Variants in SRA1 observed in about 807,000 individuals in gnomAD.
SRA1 encodes steroid receptor RNA activator 1.
SRA1 carries 25 observed loss-of-function variants against 24.3 expected under a neutral mutation model. That is an observed-to-expected ratio of 1.03 (90% CI 0.75 to 1.43). The LOEUF (loss-of-function observed/expected upper bound fraction) is 1.43. Ranked by LOEUF, SRA1 falls within the 40% of genes most tolerant of loss-of-function variation. The pLI, the probability that SRA1 is intolerant of heterozygous loss-of-function variation, is 0.00. For synonymous variants in SRA1, 104 were observed against 109.5 expected (o/e 0.95, Z 0.31); for missense variants, 303 against 286.6 (o/e 1.06, Z -0.41).
Position 140,550,663 on chromosome 5 carries a change from T to C in SRA1, c.*37A>G. On this transcript the variant is annotated 3_prime_UTR_variant, in exon 5 of 5. Transcript: ENST00000336283. Reference sequence around the variant, plus strand: ...CAAGTGACAGAAGGTCTCCAAGGCATAGGAGATGGTGTCCGGTGAGTCTGG... The same window carrying C: ...CAAGTGACAGAAGGTCTCCAAGGCACAGGAGATGGTGTCCGGTGAGTCTGG... The C allele has an allele frequency of 6.3e-7, 1 of 1,598,456 alleles. No individual in the cohort carries two copies. The highest frequency in any genetic ancestry group is 8.6e-7 in the Non-Finnish European group (1 of 1,165,870).
chr5:140,557,122 C>G, intron 2 of SRA1, 25 bp downstream of exon 2: 20 of 1,343,132 alleles, frequency 1.5e-5, no homozygotes, highest in Non-Finnish European at 2.0e-5. Flanking sequence ...CTCCGTCTGT[C>G]TCCGAGCACA....
intron 2 of SRA1, among the ~76,000 whole-genome samples, chr5:140,553,790 G>A (rs1490611184): frequency 6.6e-6 from 1 of 152,198 alleles, no homozygotes; most frequent in African/African-American, 2.4e-5. Context: ...ATGGACTAGG[G>A]TAAAAGAGTA....
chr5:140,557,165 G>A lies in SRA1; in HGVS notation c.133C>T (p.Gln45Ter). Residue 45 changes from glutamine to a stop codon, truncating the protein, a stop_gained, in exon 2 of 5, where the codon CAG becomes TAG. Coordinates refer to ENST00000336283, the MANE Select transcript of SRA1 (RefSeq NM_001035235.4). LOFTEE classifies it high-confidence loss of function. ...SLLTKRVAAP[Q>*]DGSPRVPASE... is the part of the protein sequence containing the mutation. ...CACGCACCTCTGGGGGATCCATCCT[G>A]GGGTGCGGCGACCCTCTTGGTAAGC... 6.2e-7 allele frequency: 1 copy of A among 1,611,930 alleles called. No individual in the cohort carries two copies. Among genetic ancestry groups the A allele is most frequent in the Non-Finnish European group, 8.5e-7 (1 of 1,179,662 alleles).
rs1015352237 is a variant in SRA1, at chr5:140,550,607, G to A, written c.*93C>T. The A allele has an allele frequency of 2.4e-6, 3 of 1,275,154 alleles. No individual in the cohort carries two copies. Among genetic ancestry groups the A allele is most frequent in the Admixed American group, 1.7e-5 (1 of 57,270 alleles). The allele number at this position is 1,275,154 out of a possible 1,614,324, so 79.0% of individuals were successfully genotyped here. Reference sequence around the variant, plus strand: ...CCCTCATAGGTGGGTCAGGCCCAGTGGGACAGTCTTGGTGGTGGTAAGAAG... The same window carrying A: ...CCCTCATAGGTGGGTCAGGCCCAGTAGGACAGTCTTGGTGGTGGTAAGAAG... On this transcript the variant is annotated 3_prime_UTR_variant, in exon 5 of 5. Coordinates refer to ENST00000336283, the MANE Select transcript of SRA1 (RefSeq NM_001035235.4).
intron 2 of SRA1, among the ~76,000 whole-genome samples, chr5:140,554,050 C>T (rs1466121219): frequency 2.0e-5 from 3 of 152,080 alleles, no homozygotes; most frequent in African/African-American, 7.2e-5. Context: ...ATCATTTTTT[C>T]CCACCCTACA....
rs1365399318 is a variant in SRA1 at position 140,550,834 on chromosome 5, G to A, written c.541C>T (p.Gln181Ter). 1 of 1,614,114 alleles carries A rather than the reference G, an allele frequency of 6.2e-7. No individual in the cohort carries two copies. The highest frequency in any genetic ancestry group is 1.1e-5 in the South Asian group (1 of 91,072). ...LMVDHVTEVS[Q>*]WMVGVKRLIA... The stretch of plus-strand genomic sequence containing the variant: ...AATCTTTTAACTCCTACCATCCACT[G>A]ACTGACCTCAGTCACATGGTCAACC... Residue 181 changes from glutamine (Q) to a stop codon, truncating the protein, a stop_gained, in exon 5 of 5, where the codon CAG (glutamine) becomes TAG (stop). Coordinates refer to ENST00000336283, the MANE Select transcript of SRA1 (RefSeq NM_001035235.4). LOFTEE classifies it high-confidence loss of function.
intron 3 of SRA1, chr5:140,551,707 G>A: frequency 2.8e-6 from 1 of 353,222 alleles, no homozygotes. Flanking sequence ...TGAATGGCAT[G>A]GAGATACAGA....
chr5:140,556,741 A>G (rs1199086321), intron 2 of SRA1, among the ~76,000 whole-genome samples: 1 of 152,066 alleles, frequency 6.6e-6, no homozygotes, highest in Non-Finnish European at 1.5e-5. Flanking sequence ...AGTGCTCAGT[A>G]AATAACAGTG....
At chr5:140,557,108 C>T (rs199973012) in intron 2 of SRA1, 39 bp downstream of exon 2, 19 of 1,034,736 alleles carry the variant, frequency 1.8e-5, no homozygotes, top group Admixed American at 6.8e-5. Context: ...CCCCCCCCCC[C>T]ATTCTCCGTC....
At chr5:140,557,326 A>G in intron 1 of SRA1, 54 bp from the exon 2 acceptor site, 1 of 1,605,536 alleles carries the variant, frequency 6.2e-7, no homozygotes, top group Non-Finnish European at 8.5e-7. Flanking sequence ...GTTAGCTTAT[A>G]CTGGGGCTGG....
In SRA1 at chr5:140,552,070, G is replaced by A; in HGVS notation, c.266C>T (p.Thr89Ile). ...GSGPASGVEPTSFPVESEAVM... is the reference protein window; with the variant it reads ...GSGPASGVEPISFPVESEAVM... ...AGCCTCAGACTCGACTGGGAAACTT[G>A]TGGGCTCCACGCCAGAGGCAGGACC... Residue 89 changes from threonine (T) to isoleucine (I), a missense_variant, in exon 3 of 5, where the codon ACA becomes ATA. Physicochemically the swap from Thr to Ile is moderately conservative, Grantham distance 89. Coordinates refer to ENST00000336283, the MANE Select transcript of SRA1 (RefSeq NM_001035235.4). 6.2e-7 allele frequency: 1 copy of A among 1,614,072 alleles called. No individual in the cohort carries two copies. The highest frequency in any genetic ancestry group is 2.2e-5 in the East Asian group (1 of 44,878).
chr5:140,552,050 C>G lies in SRA1; in HGVS notation c.286G>C (p.Glu96Gln). ...CTCAGCACATCCTCCATCACAGCCT[C>G]AGACTCGACTGGGAAACTTGTGGGC... Reference protein sequence around the residue: ...VEPTSFPVESEAVMEDVLRPL... With the variant: ...VEPTSFPVESQAVMEDVLRPL... The change falls in exon 3 of 5, where the codon GAG (glutamate) becomes CAG (glutamine). Residue 96 changes from glutamate (E) to glutamine (Q), a missense_variant. Transcript: ENST00000336283. The G allele has an allele frequency of 6.2e-7, 1 of 1,614,144 alleles. No individual in the cohort carries two copies.
At chr5:140,556,628 C>A (rs35895842) in intron 2 of SRA1, among the ~76,000 whole-genome samples, 2 of 152,014 alleles carry the variant, frequency 1.3e-5, no homozygotes, top group Non-Finnish European at 1.5e-5. Context: ...CATCTTTCAG[C>A]CCATCTCCAG....
In SRA1 at chr5:140,557,204, G is replaced by A. The variant is rs762869987; in HGVS notation, c.94C>T (p.Pro32Ser). 7.4e-6 allele frequency: 12 copies of A among 1,613,096 alleles called. No homozygotes were observed. In the South Asian group the frequency reaches 1.2e-4, roughly 16 times the overall value. ...SYGLQTQAGG[P>S]RRSLLTKRVA... Reference sequence around the variant, plus strand: ...CTCTTGGTAAGCAGCGAGCGCCTGGGTCCGCCGGCCTGGGTCTGCAGCCCG... The same window carrying A: ...CTCTTGGTAAGCAGCGAGCGCCTGGATCCGCCGGCCTGGGTCTGCAGCCCG... Residue 32 changes from proline (P) to serine (S), a missense_variant, in exon 2 of 5, where the codon CCC (proline) becomes TCC (serine). Transcript: ENST00000336283.
At position 140,550,889 on chromosome 5, in the gene SRA1, G is replaced by A. The variant is rs116459403; in HGVS notation, c.486C>T (p.Asp162=). 706 of 1,614,038 alleles carry A rather than the reference G, an allele frequency of 4.4e-4. 2 individuals are homozygous for A. In the African/African-American group the frequency reaches 7.2e-3, roughly 16 times the overall value. ...GGGAGCGGTGGATGTCATCTGCTGC[G>A]TCCCACCGGTGGCTTGAAAGCTCTG... is the stretch of plus-strand genomic sequence containing the variant. The part of the protein sequence containing the change: ...LVQELSSHRW[D]AADDIHRSLM... The change falls in exon 5 of 5, where the codon GAC becomes GAT. Residue 162 remains aspartate (D), a synonymous_variant. Transcript: ENST00000336283.
In SRA1 at chr5:140,550,791, C is replaced by G. The variant is rs1487720362; in HGVS notation, c.584G>C (p.Ser195Thr). The part of the protein sequence containing the change: ...GVKRLIAEKR[S>T]LFSEEAANEE... ...ATTGGCTGCCTCCTCTGAAAACAGACTCCTCTTTTCTGCAATTAATCTTTT... is the reference window on the plus strand; with the variant it reads ...ATTGGCTGCCTCCTCTGAAAACAGAGTCCTCTTTTCTGCAATTAATCTTTT... The change falls in exon 5 of 5, where the codon AGT (serine) becomes ACT (threonine). Residue 195 changes from serine to threonine, a missense_variant. Coordinates refer to ENST00000336283, the MANE Select transcript of SRA1 (RefSeq NM_001035235.4). 6.2e-7 allele frequency: 1 copy of G among 1,614,138 alleles called. No homozygotes were observed. Among genetic ancestry groups the G allele is most frequent in the Admixed American group, 1.7e-5 (1 of 60,016 alleles).
At chr5:140,552,289 A>ATT in intron 2 of SRA1, 105 bp from the exon 3 acceptor site, 2 of 835,558 alleles carry the variant, frequency 2.4e-6, no homozygotes, top group Middle Eastern at 6.1e-4. Flanking sequence ...CAACTTATTC[A>ATT]TTCAAAAATA....
Position 140,550,854 on chromosome 5 carries a change from T to G in SRA1, c.521A>C (p.Asp174Ala). Residue 174 changes from aspartate (D) to alanine (A), a missense_variant, in exon 5 of 5, where the codon GAC becomes GCC. Asp to Ala is a moderately radical substitution (Grantham distance 126, BLOSUM62 -2). Transcript: ENST00000336283. ...ADDIHRSLMV[D>A]HVTEVSQWMV... ...CCACTGACTGACCTCAGTCACATGG[T>G]CAACCATGAGGGAGCGGTGGATGTC... is the stretch of plus-strand genomic sequence containing the variant. 1 of 1,614,108 alleles carries G rather than the reference T, an allele frequency of 6.2e-7. No homozygotes were observed. The highest frequency in any genetic ancestry group is 2.2e-5 in the East Asian group (1 of 44,880).
At chr5:140,557,530 A>C (rs1272589864), upstream of SRA1, 1 of 1,495,238 alleles carries the variant, frequency 6.7e-7, no homozygotes, top group African/African-American at 1.4e-5. Flanking sequence ...AGACACGTCC[A>C]GGGCCAGGCG....
Sources: allele counts gnomAD v4.1 joint callset (sites outside exome capture counted in the v4.1 genomes callset), GRCh38; gene constraint gnomAD v4.1.1; transcripts MANE v1.5; gene names NCBI Gene and HGNC (gene_info 2026-07-23, HGNC 2026-07-21).